The following TBC1D4 variants were observed in gnomAD, a reference collection of about 807,000 sequenced individuals.
TBC1D4 encodes the protein TBC1 domain family member 4, also known as TBC (Tre-2, BUB2, CDC16) domain-containing protein.
TBC1D4 carries 121 observed loss-of-function variants against 142.5 expected under a neutral mutation model. That is an observed-to-expected ratio of 0.85 (90% CI 0.73 to 0.99). TBC1D4 has a LOEUF of 0.99. Among genes scored for constraint, TBC1D4 ranks in the 50% least tolerant of loss-of-function variants. The probability of loss-of-function intolerance (pLI) is 0.00; values close to 1 mark genes in which losing one functional copy is unlikely to be tolerated. For synonymous variants in TBC1D4, 630 were observed against 628.2 expected, an observed-to-expected ratio of 1.00 and a Z score of -0.04; for missense variants, 1,475 against 1,606.6, an observed-to-expected ratio of 0.92 and a Z score of 1.40.
intron 17 of TBC1D4, among the ~76,000 whole-genome samples, chr13:75,298,970 A>T (rs1876236359): frequency 6.6e-6 from 1 of 152,234 alleles, no homozygotes. Flanking sequence ...AAGATCTGTG[A>T]GCCTTTTCAA....
chr13:75,412,532 T>C (rs1885723323), intron 1 of TBC1D4, among the ~76,000 whole-genome samples: 1 of 152,158 alleles, frequency 6.6e-6, no homozygotes, highest in Non-Finnish European at 1.5e-5. Context: ...CTCAAACTCC[T>C]GGGCTCAAGC....
At chr13:75,421,876 T>TATTTC (rs56155266) in intron 1 of TBC1D4, among the ~76,000 whole-genome samples, 151,604 of 152,274 alleles carry the variant, frequency 1, 75,472 homozygotes, top group Middle Eastern at 1. Context: ...AGCAATCCCT[T>TATTTC]ATTTCATCAA....
In TBC1D4 at chr13:75,420,491, T is replaced by A. The variant is rs147449561; in HGVS notation, c.499-57884A>T. Among the ~76,000 whole-genome samples, 627 of 152,330 alleles carry A rather than the reference T, an allele frequency of 4.1e-3. 9 individuals carry two copies. Among genetic ancestry groups the A allele is most frequent in the African/African-American group, 0.015 (610 of 41,576 alleles). On this transcript the variant is annotated intron_variant, in intron 1 of 20. Transcript: ENST00000377636. ...ACAAATCTACGTGTATAAACTTCCTTCTATAGTGTGAAACTACTTGGGCCT... is the reference window on the plus strand; with the variant it reads ...ACAAATCTACGTGTATAAACTTCCTACTATAGTGTGAAACTACTTGGGCCT...
At chr13:75,342,325 C>T (rs1880781058) in intron 5 of TBC1D4, among the ~76,000 whole-genome samples, 1 of 152,150 alleles carries the variant, frequency 6.6e-6, no homozygotes, top group African/African-American at 2.4e-5. Context: ...CCTAAGACCT[C>T]ACATGGAAAT....
chr13:75,285,463 T>C lies in TBC1D4; in HGVS notation c.*1329A>G, dbSNP rs549469987. 1.3e-5 allele frequency: 2 copies of C among 152,370 alleles called. No homozygotes were observed. Among genetic ancestry groups the C allele is most frequent in the Non-Finnish European group, 2.9e-5 (2 of 68,040 alleles). 9.4% of individuals were successfully genotyped at this position (152,370 alleles called of 1,614,324 possible). A position where few individuals can be genotyped will look rare whatever the true frequency, so the allele number is the denominator to read the frequency against. On this transcript the variant is annotated 3_prime_UTR_variant, in exon 21 of 21. Transcript: ENST00000377636. ...TTTCAGAGGCACTATCATAGAATCA[T>C]CTCTGAAAAAGAGAACTGCAAATGT...
chr13:75,293,519 A>G (rs368534190), intron 18 of TBC1D4, among the ~76,000 whole-genome samples: 1 of 152,208 alleles, frequency 6.6e-6, no homozygotes, highest in African/African-American at 2.4e-5. Flanking sequence ...TTGATTTGAT[A>G]CACTATTCTC....
intron 13 of TBC1D4, 136 bp downstream of exon 13, chr13:75,312,602 A>G (rs769214641): frequency 2.2e-5 from 26 of 1,176,764 alleles, no homozygotes; most frequent in Non-Finnish European, 3.1e-5. Context: ...TACCTGAAAG[A>G]GAAACCACTG....
chr13:75,437,570 A>T (rs1298092024), intron 1 of TBC1D4, among the ~76,000 whole-genome samples: 1 of 151,490 alleles, frequency 6.6e-6, no homozygotes, highest in African/African-American at 2.4e-5. Context: ...ATTCCCTTAA[A>T]TTCCTTTAAG....
chr13:75,451,676 T>A (rs1217886335), intron 1 of TBC1D4, among the ~76,000 whole-genome samples: 1 of 149,530 alleles, frequency 6.7e-6, no homozygotes, highest in Non-Finnish European at 1.5e-5. Context: ...CAAGTTCCTA[T>A]CTCAAAAAAA....
At chr13:75,346,949 T>C (rs1881197759) in intron 5 of TBC1D4, among the ~76,000 whole-genome samples, 2 of 152,214 alleles carry the variant, frequency 1.3e-5, no homozygotes, top group South Asian at 2.1e-4. Context: ...ATTATGCCAT[T>C]GATCGACATT....
At chr13:75,440,061 A>G (rs1279551786) in intron 1 of TBC1D4, among the ~76,000 whole-genome samples, 3 of 152,170 alleles carry the variant, frequency 2.0e-5, no homozygotes, top group African/African-American at 7.2e-5. Context: ...GCATTTTTTG[A>G]TATACTATGT....
chr13:75,353,449 C>T (rs1190014705), intron 4 of TBC1D4, among the ~76,000 whole-genome samples: 1 of 152,124 alleles, frequency 6.6e-6, no homozygotes, highest in South Asian at 2.1e-4. Context: ...CTAGAACCTC[C>T]ATGACACAAC....
intron 17 of TBC1D4, among the ~76,000 whole-genome samples, chr13:75,296,522 T>A (rs1413713672): frequency 1.3e-5 from 2 of 152,182 alleles, no homozygotes; most frequent in Admixed American, 1.3e-4. Flanking sequence ...GTTTCTTCCA[T>A]CAAGGGATAT....
intron 1 of TBC1D4, among the ~76,000 whole-genome samples, chr13:75,402,501 C>CA (rs971291318): frequency 2.0e-5 from 3 of 151,294 alleles, no homozygotes; most frequent in East Asian, 1.9e-4. Flanking sequence ...GTAATAGCTT[C>CA]AAAAAAAAGG....
intron 1 of TBC1D4, among the ~76,000 whole-genome samples, chr13:75,396,914 T>G (rs1200778958): frequency 6.6e-6 from 1 of 152,084 alleles, no homozygotes; most frequent in Non-Finnish European, 1.5e-5. Context: ...TTAGAGAGCT[T>G]ACTTAAAGAT....
intron 1 of TBC1D4, among the ~76,000 whole-genome samples, chr13:75,455,395 T>A (rs935071913): frequency 4.6e-5 from 7 of 152,014 alleles, no homozygotes; most frequent in Admixed American, 1.3e-4. Context: ...ATTAAATATA[T>A]GTAAGCTAAT....
At chr13:75,379,082 C>T (rs1883674466) in intron 1 of TBC1D4, among the ~76,000 whole-genome samples, 1 of 152,008 alleles carries the variant, frequency 6.6e-6, no homozygotes, top group Non-Finnish European at 1.5e-5. Context: ...ATATAAACAT[C>T]TCAATCACAT....
chr13:75,356,156 G>A lies in TBC1D4; in HGVS notation c.1266C>T (p.Ser422=), dbSNP rs766146671. 6.8e-6 allele frequency: 11 copies of A among 1,612,474 alleles called. No individual in the cohort carries two copies. The highest frequency in any genetic ancestry group is 1.7e-5 in the Admixed American group (1 of 59,850). The part of the protein sequence containing the change: ...QYICYVFQCA[S]ESLVDEVMLT... ...CAATAACACTACTTACCAGAGATTC[G>A]CTGGCACACTGGAATACATAACAAA... The change falls in exon 4 of 21, where the codon AGC becomes AGT. Residue 422 remains serine, a synonymous_variant. Coordinates refer to ENST00000377636, the MANE Select transcript of TBC1D4 (RefSeq NM_014832.5).
chr13:75,409,497 T>C (rs1885497142), intron 1 of TBC1D4, among the ~76,000 whole-genome samples: 1 of 152,228 alleles, frequency 6.6e-6, no homozygotes. Flanking sequence ...TGTAGATTTA[T>C]TCACATTAAA....
Sources: gnomAD v4.1 joint callset for allele counts (sites outside exome capture counted in the v4.1 genomes callset) on GRCh38, gnomAD v4.1.1 for gene constraint, MANE v1.5 for transcripts, NCBI Gene and HGNC (gene_info 2026-07-23, HGNC 2026-07-21) for gene names.